The following TTC23 variants were observed in gnomAD, a reference collection of about 807,000 sequenced individuals.
TTC23 encodes tetratricopeptide repeat protein 23.
Under a neutral mutation model 55.1 loss-of-function variants are expected in TTC23, and 58 were observed. The ratio of observed to expected loss-of-function variants is 1.05; its 90% CI spans 0.85 to 1.31. The LOEUF is 1.31. Among genes scored for constraint, TTC23 ranks in the 50% most tolerant of loss-of-function variants. TTC23 has a pLI of 0.00. For missense variants in TTC23, 516 were observed against 534.4 expected, an observed-to-expected ratio of 0.97 and a Z score of 0.34; for synonymous variants, 203 against 199.9, an observed-to-expected ratio of 1.02 and a Z score of -0.13.
At chr15:99,196,181 T>C (rs979124299) in intron 9 of TTC23, among the ~76,000 whole-genome samples, 3 of 147,852 alleles carry the variant, frequency 2.0e-5, no homozygotes, top group African/African-American at 5.0e-5. Flanking sequence ...TTGAGAGATA[T>C]GGGTTAACAT....
At chr15:99,171,703 C>T (rs1389078082) in intron 10 of TTC23, among the ~76,000 whole-genome samples, 1 of 151,386 alleles carries the variant, frequency 6.6e-6, no homozygotes, top group African/African-American at 2.4e-5. Context: ...GCTGGGACTA[C>T]AGGTGCGCAA....
chr15:99,156,187 C>T lies in TTC23; in HGVS notation c.1104G>A (p.Ala368=), dbSNP rs765736859. The T allele has an allele frequency of 2.2e-4, 349 of 1,614,116 alleles. No individual in the cohort carries two copies. The highest frequency in any genetic ancestry group is 2.7e-4 in the Non-Finnish European group (322 of 1,180,046). The change falls in exon 12 of 14, where the codon GCG becomes GCA. Residue 368 remains alanine (A), a synonymous_variant. Transcript: ENST00000394132. ...TYRLLGGADL[A]QGNHSGARKK... ...TGCGGGCCCCACTGTGGTTCCCCTGCGCCAGGTCTGCTCCTCCCAGGAGCC... is the reference window on the plus strand; with the variant it reads ...TGCGGGCCCCACTGTGGTTCCCCTGTGCCAGGTCTGCTCCTCCCAGGAGCC...
At chr15:99,188,447 T>C (rs568744750) in intron 9 of TTC23, among the ~76,000 whole-genome samples, 1 of 152,074 alleles carries the variant, frequency 6.6e-6, no homozygotes. Flanking sequence ...ACCACTACAT[T>C]GTACACTTTA....
At chr15:99,250,935 C>T (rs1342772215), upstream of TTC23, among the ~76,000 whole-genome samples, 2 of 152,186 alleles carry the variant, frequency 1.3e-5, no homozygotes, top group South Asian at 4.1e-4. Context: ...TGTTTTTCAA[C>T]GGTCAGACTG....
intron 12 of TTC23, among the ~76,000 whole-genome samples, chr15:99,141,763 T>C (rs1403869025): frequency 6.6e-6 from 1 of 152,174 alleles, no homozygotes; most frequent in East Asian, 1.9e-4. Context: ...AATGTTTCAG[T>C]CTGAGGAATT....
intron 6 of TTC23, among the ~76,000 whole-genome samples, chr15:99,220,371 C>T (rs771251086): frequency 6.2e-4 from 94 of 152,284 alleles, no homozygotes; most frequent in Admixed American, 1.4e-3. Context: ...AGGACTGTCA[C>T]GCAGAGAGGC....
chr15:99,139,918 CT>C, intron 12 of TTC23: 1 of 396,528 alleles, frequency 2.5e-6, no homozygotes, highest in Non-Finnish European at 4.4e-6. Flanking sequence ...CTCCCTTCTG[CT>C]TACTTTAAGT....
At chr15:99,147,487 A>C (rs1294268324) in intron 12 of TTC23, among the ~76,000 whole-genome samples, 116 of 152,118 alleles carry the variant, frequency 7.6e-4, no homozygotes, top group Admixed American at 7.6e-3. Flanking sequence ...AGCCTCCCAA[A>C]GTGCTGGGAT....
chr15:99,139,698 GA>G (rs2067998876), intron 12 of TTC23: 23 of 1,375,766 alleles, frequency 1.7e-5, no homozygotes, highest in Non-Finnish European at 2.1e-5. Context: ...GTACTGACCA[GA>G]GGATGGGCTC....
intron 8 of TTC23, among the ~76,000 whole-genome samples, chr15:99,200,387 G>C (rs1320731176): frequency 1.3e-5 from 2 of 152,022 alleles, no homozygotes; most frequent in African/African-American, 4.8e-5. Flanking sequence ...CACTTCATTG[G>C]GTTATTAAGA....
intron 4 of TTC23, 139 bp downstream of exon 4, chr15:99,234,849 T>C (rs1338321263): frequency 6.6e-6 from 1 of 152,116 alleles, no homozygotes; most frequent in Non-Finnish European, 1.5e-5. Flanking sequence ...GTAGTAAGTG[T>C]TGATGAGGAT....
At chr15:99,220,008 A>G (rs921883726) in intron 6 of TTC23, among the ~76,000 whole-genome samples, 3 of 127,854 alleles carry the variant, frequency 2.3e-5, no homozygotes, top group African/African-American at 7.8e-5. Context: ...AAAAGCACAG[A>G]CATGTATTAG....
At chr15:99,188,591 C>CT (rs947459341) in intron 9 of TTC23, among the ~76,000 whole-genome samples, 1 of 151,918 alleles carries the variant, frequency 6.6e-6, no homozygotes, top group African/African-American at 2.4e-5. Context: ...TGAAGGATTT[C>CT]TAGCAGTTAA....
chr15:99,186,448 C>A (rs959282670), intron 9 of TTC23, among the ~76,000 whole-genome samples: 15 of 151,990 alleles, frequency 9.9e-5, no homozygotes, highest in African/African-American at 3.6e-4. Context: ...CAGCAAAAAC[C>A]GCCTATCAAA....
At chr15:99,200,911 C>A (rs1300657931) in intron 8 of TTC23, among the ~76,000 whole-genome samples, 2 of 152,164 alleles carry the variant, frequency 1.3e-5, no homozygotes, top group East Asian at 3.8e-4. Flanking sequence ...TAGTGCTGAT[C>A]CATATTTATT....
intron 10 of TTC23, among the ~76,000 whole-genome samples, chr15:99,166,493 C>G (rs749935764): frequency 3.3e-5 from 5 of 152,100 alleles, no homozygotes; most frequent in Non-Finnish European, 5.9e-5. Flanking sequence ...TGTCAGTGTA[C>G]GTGGACCTCC....
chr15:99,162,871 G>T (rs1367887365), intron 10 of TTC23, among the ~76,000 whole-genome samples: 2 of 151,992 alleles, frequency 1.3e-5, no homozygotes, highest in African/African-American at 4.8e-5. Flanking sequence ...CTTGAGCCTG[G>T]AAGTTCAAGA....
Position 99,206,694 on chromosome 15 carries a change from C to G in TTC23, c.582-6598G>C, listed in dbSNP as rs570388745. Reference sequence around the variant, plus strand: ...TGTCTCTGATTTTACTCATTTGGGTCTTCTCTCTGTTTTTCTTAGTCTAGT... The same window carrying G: ...TGTCTCTGATTTTACTCATTTGGGTGTTCTCTCTGTTTTTCTTAGTCTAGT... On this transcript the variant is annotated intron_variant, in intron 8 of 13. Transcript: ENST00000394132. 1.7e-4 allele frequency among the ~76,000 whole-genome samples: 26 copies of G among 152,048 alleles called. No individual in the cohort carries two copies. The East Asian group carries it at 4.8e-3, about 28-fold the overall frequency.
At chr15:99,140,996 T>G (rs2068167675) in intron 12 of TTC23, 1 of 152,196 alleles carries the variant, frequency 6.6e-6, no homozygotes. Context: ...TAAACATGCT[T>G]AATCTCATTA....
Sources: gnomAD v4.1 joint callset for allele counts (sites outside exome capture counted in the v4.1 genomes callset) on GRCh38, gnomAD v4.1.1 for gene constraint, MANE v1.5 for transcripts, NCBI Gene and HGNC (gene_info 2026-07-23, HGNC 2026-07-21) for gene names.